The following FCHSD2 variants were observed in gnomAD, a reference collection of about 807,000 sequenced individuals.
FCHSD2 encodes F-BAR and double SH3 domains protein 2.
FCHSD2 carries 38 observed loss-of-function variants against 108.1 expected under a neutral mutation model. The observed-to-expected ratio is 0.35, with a 90% CI of 0.27 to 0.46. The LOEUF (loss-of-function observed/expected upper bound fraction) is 0.46. Ranked by LOEUF, FCHSD2 falls within the 20% of genes least tolerant of loss-of-function variation. FCHSD2 has a pLI of 1.00. For missense variants in FCHSD2, 751 were observed against 897.8 expected (o/e 0.84, Z 2.09); for synonymous variants, 279 against 314.7 (o/e 0.89, Z 1.20).
intron 3 of FCHSD2, among the ~76,000 whole-genome samples, chr11:73,033,331 T>C (rs1244638622): frequency 2.7e-5 from 4 of 149,156 alleles, no homozygotes; most frequent in Admixed American, 6.7e-5. Flanking sequence ...GGGAGACCCA[T>C]AGGAGGCTAC....
At chr11:73,135,299 C>G (rs1416160400) in intron 2 of FCHSD2, among the ~76,000 whole-genome samples, 5 of 152,182 alleles carry the variant, frequency 3.3e-5, no homozygotes, top group African/African-American at 9.7e-5. Flanking sequence ...TTAGAGTCTT[C>G]AACAATATAA....
intron 14 of FCHSD2, among the ~76,000 whole-genome samples, chr11:72,844,087 T>C (rs1861051545): frequency 6.6e-6 from 1 of 152,280 alleles, no homozygotes; most frequent in African/African-American, 2.4e-5. Context: ...TATCAAGTTA[T>C]TCAACTTGAT....
intron 4 of FCHSD2, among the ~76,000 whole-genome samples, chr11:73,004,887 G>A (rs981588257): frequency 6.6e-6 from 1 of 151,764 alleles, no homozygotes; most frequent in African/African-American, 2.4e-5. Flanking sequence ...CCTCTAATAC[G>A]ACCACACTTT....
chr11:72,946,257 G>A (rs1412148792), intron 8 of FCHSD2, among the ~76,000 whole-genome samples: 2 of 152,048 alleles, frequency 1.3e-5, no homozygotes, highest in Non-Finnish European at 2.9e-5. Flanking sequence ...GGACATGGAT[G>A]AAGCTGGAAA....
chr11:73,084,058 T>C (rs2135514952), intron 2 of FCHSD2, among the ~76,000 whole-genome samples: 1 of 152,306 alleles, frequency 6.6e-6, no homozygotes, highest in South Asian at 2.1e-4. Context: ...AAAATTTAGT[T>C]ACTTGAAATA....
chr11:72,961,427 T>C (rs1282473772), intron 8 of FCHSD2, among the ~76,000 whole-genome samples: 4 of 151,804 alleles, frequency 2.6e-5, no homozygotes, highest in East Asian at 1.9e-4. Flanking sequence ...GTTGTTGTTG[T>C]TGTTGTTTTT....
At chr11:72,887,884 C>T (rs1855231379) in intron 11 of FCHSD2, among the ~76,000 whole-genome samples, 1 of 152,144 alleles carries the variant, frequency 6.6e-6, no homozygotes, top group Non-Finnish European at 1.5e-5. Context: ...TAAAAACCCT[C>T]TTGTTCTATG....
intron 4 of FCHSD2, among the ~76,000 whole-genome samples, chr11:73,007,609 G>A (rs1252329071): frequency 3.3e-5 from 5 of 150,880 alleles, no homozygotes; most frequent in Admixed American, 6.6e-5. Context: ...TTGAAAGAAA[G>A]GAAAGAAGAA....
At chr11:73,125,091 T>A (rs946795777) in intron 2 of FCHSD2, among the ~76,000 whole-genome samples, 1 of 152,182 alleles carries the variant, frequency 6.6e-6, no homozygotes, top group African/African-American at 2.4e-5. Context: ...ATATGAAAGC[T>A]AAGAGAAGTG....
At chr11:72,923,624 C>A (rs936795356) in intron 8 of FCHSD2, among the ~76,000 whole-genome samples, 1 of 152,162 alleles carries the variant, frequency 6.6e-6, no homozygotes, top group Non-Finnish European at 1.5e-5. Context: ...GAAAAGCCTA[C>A]TCAAGTCCTT....
chr11:73,037,278 C>T (rs921256610), intron 3 of FCHSD2, among the ~76,000 whole-genome samples: 3 of 152,134 alleles, frequency 2.0e-5, no homozygotes, highest in Non-Finnish European at 2.9e-5. Flanking sequence ...CCTACACTGA[C>T]ACATAACACA....
intron 12 of FCHSD2, among the ~76,000 whole-genome samples, chr11:72,887,133 A>C (rs905476235): frequency 6.6e-6 from 1 of 151,588 alleles, no homozygotes; most frequent in African/African-American, 2.4e-5. Flanking sequence ...AAGGAGATAT[A>C]TATATATATC....
At chr11:72,881,817 G>A (rs1397976876) in intron 12 of FCHSD2, among the ~76,000 whole-genome samples, 2 of 152,224 alleles carry the variant, frequency 1.3e-5, no homozygotes, top group Non-Finnish European at 2.9e-5. Flanking sequence ...TCATGTGTGG[G>A]AGCTAAAAAA....
At chr11:73,024,013 T>C (rs1391243469) in intron 3 of FCHSD2, among the ~76,000 whole-genome samples, 1 of 152,130 alleles carries the variant, frequency 6.6e-6, no homozygotes, top group Admixed American at 6.5e-5. Context: ...AAGTGTTTGC[T>C]AGGGGAAGAA....
intron 2 of FCHSD2, among the ~76,000 whole-genome samples, chr11:73,120,243 T>C (rs1390067274): frequency 6.6e-6 from 1 of 152,254 alleles, no homozygotes; most frequent in Non-Finnish European, 1.5e-5. Flanking sequence ...CTTGTTTACA[T>C]CCTTGTATAT....
At chr11:72,990,858 C>G (rs1331383446) in intron 5 of FCHSD2, among the ~76,000 whole-genome samples, 1 of 152,036 alleles carries the variant, frequency 6.6e-6, no homozygotes, top group African/African-American at 2.4e-5. Flanking sequence ...TAACTAAGAC[C>G]AGAACAGAAC....
intron 8 of FCHSD2, among the ~76,000 whole-genome samples, chr11:72,957,294 TG>T (rs1361785421): frequency 3.3e-5 from 5 of 150,054 alleles, no homozygotes; most frequent in African/African-American, 1.2e-4. Flanking sequence ...TTTGGTTTTT[TG>T]TTCTTGCGAT....
intron 2 of FCHSD2, among the ~76,000 whole-genome samples, chr11:73,126,107 C>T (rs939679679): frequency 6.6e-6 from 1 of 151,666 alleles, no homozygotes; most frequent in Non-Finnish European, 1.5e-5. Flanking sequence ...TTTGGGAGGC[C>T]GAGGTGGGCG....
chr11:73,000,898 T>G (rs1343805376), intron 5 of FCHSD2, 92 bp downstream of exon 5: 5 of 1,110,224 alleles, frequency 4.5e-6, no homozygotes, highest in Non-Finnish European at 3.8e-6. Context: ...TGGGACCATA[T>G]AGTTTTAAAT....
Sources: gnomAD v4.1 joint callset for allele counts (sites outside exome capture counted in the v4.1 genomes callset) on GRCh38, gnomAD v4.1.1 for gene constraint, MANE v1.5 for transcripts, NCBI Gene and HGNC (gene_info 2026-07-23, HGNC 2026-07-21) for gene names.